KALRN: variants seen among roughly 807,000 people sequenced by gnomAD.
KALRN encodes the protein kalirin.
In KALRN, 70 loss-of-function variants were observed where a neutral mutation model predicts 353.7. The observed-to-expected ratio is 0.20, with a 90% CI of 0.16 to 0.24. KALRN has a LOEUF of 0.24. Ranked by LOEUF, KALRN falls within the 10% of genes least tolerant of loss-of-function variation. The pLI, the probability that KALRN is intolerant of heterozygous loss-of-function variation, is 1.00. For synonymous variants in KALRN, 1,391 were observed against 1,434.8 expected, an observed-to-expected ratio of 0.97 and a Z score of 0.69; for missense variants, 2,791 against 3,756.7, an observed-to-expected ratio of 0.74 and a Z score of 6.72.
intron 34 of KALRN, among the ~76,000 whole-genome samples, chr3:124,586,360 G>C (rs2075182916): frequency 6.6e-6 from 1 of 152,222 alleles, no homozygotes; most frequent in South Asian, 2.1e-4. Context: ...TTTCCTGTCA[G>C]ACAGAATGTG....
intron 27 of KALRN, 49 bp from the exon 28 acceptor site, chr3:124,482,759 A>G: frequency 9.6e-6 from 12 of 1,253,008 alleles, no homozygotes; most frequent in Non-Finnish European, 1.4e-5. Flanking sequence ...GTTCACACAC[A>G]TGCACACACC....
chr3:124,639,592 A>C (rs1432740874), intron 37 of KALRN, among the ~76,000 whole-genome samples: 1 of 152,170 alleles, frequency 6.6e-6, no homozygotes, highest in African/African-American at 2.4e-5. Flanking sequence ...AATTTGTGTG[A>C]TCGATGGTGT....
At chr3:124,133,236 A>G (rs1305773911) in intron 1 of KALRN, among the ~76,000 whole-genome samples, 1 of 152,160 alleles carries the variant, frequency 6.6e-6, no homozygotes, top group African/African-American at 2.4e-5. Flanking sequence ...AAACAGCCCA[A>G]CTCCATTCGG....
Position 124,721,146 on chromosome 3 carries a change from A to C in KALRN, c.*1676A>C, listed in dbSNP as rs2063348162. ...TAACATATAAAAAACACTTATTCCC[A>C]CAGAGAAAATGTAAAATTAAAAATC... On this transcript the variant is annotated 3_prime_UTR_variant, in exon 60 of 60. Transcript: ENST00000682506. The C allele has an allele frequency of 6.6e-6, 1 of 152,194 alleles. No individual in the cohort carries two copies. Among genetic ancestry groups the C allele is most frequent in the African/African-American group, 2.4e-5 (1 of 41,438 alleles). 9.4% of individuals were successfully genotyped at this position (152,194 alleles called of 1,614,324 possible). A position where few individuals can be genotyped will look rare whatever the true frequency, so the allele number is the denominator to read the frequency against.
chr3:124,696,082 A>G, intron 53 of KALRN, 52 bp from the exon 54 acceptor site: 1 of 1,602,594 alleles, frequency 6.2e-7, no homozygotes, highest in East Asian at 2.2e-5. Flanking sequence ...TTTACCCAGC[A>G]GTCAAGTGTC....
intron 34 of KALRN, among the ~76,000 whole-genome samples, chr3:124,609,723 A>G (rs2077721484): frequency 6.6e-6 from 1 of 152,206 alleles, no homozygotes; most frequent in Non-Finnish European, 1.5e-5. Context: ...CTGTATTACA[A>G]CACAATACTG....
At chr3:124,086,765 C>G (rs58247944) in intron 1 of KALRN, among the ~76,000 whole-genome samples, 22,900 of 152,066 alleles carry the variant, frequency 0.15, 2,083 homozygotes, top group East Asian at 0.45. Context: ...ACCCCTATAC[C>G]TGTCTACCAA....
chr3:124,656,184 A>C (rs2083998175), intron 39 of KALRN, among the ~76,000 whole-genome samples: 1 of 152,196 alleles, frequency 6.6e-6, no homozygotes, highest in African/African-American at 2.4e-5. Flanking sequence ...TAAATTAAAC[A>C]AATCTAGCTC....
chr3:124,654,058 C>T (rs369390674), intron 38 of KALRN, among the ~76,000 whole-genome samples: 4 of 152,218 alleles, frequency 2.6e-5, no homozygotes, highest in South Asian at 2.1e-4. Flanking sequence ...ATAAAAATAT[C>T]GCCTGGAGAC....
intron 47 of KALRN, among the ~76,000 whole-genome samples, chr3:124,667,955 C>A (rs1026037924): frequency 6.6e-6 from 1 of 151,840 alleles, no homozygotes; most frequent in African/African-American, 2.4e-5. Flanking sequence ...TCTAACCAAG[C>A]AGAAATAGAG....
intron 34 of KALRN, among the ~76,000 whole-genome samples, chr3:124,566,298 C>T (rs1022057605): frequency 1.3e-5 from 2 of 152,034 alleles, no homozygotes; most frequent in African/African-American, 4.8e-5. Context: ...CTCAGGCGTT[C>T]GAGACCAGCC....
At chr3:124,079,969 TTTA>T in intron 1 of KALRN, 1 of 465,742 alleles carries the variant, frequency 2.1e-6, no homozygotes, top group Middle Eastern at 3.3e-4. Context: ...TAGTTCCATA[TTTA>T]TTATTCTGAT....
chr3:124,193,903 G>A (rs2075182335), intron 1 of KALRN, among the ~76,000 whole-genome samples: 1 of 151,976 alleles, frequency 6.6e-6, no homozygotes, highest in Admixed American at 6.6e-5. Flanking sequence ...CTCTTTATAA[G>A]TATCATTTTT....
chr3:124,415,787 G>A (rs1460891476), intron 14 of KALRN, among the ~76,000 whole-genome samples: 1 of 152,180 alleles, frequency 6.6e-6, no homozygotes, highest in Non-Finnish European at 1.5e-5. Context: ...CTCAGTGTGG[G>A]CCCTGGGCCC....
At position 124,482,788 on chromosome 3, in the gene KALRN, C is replaced by T. The variant is rs772559839; in HGVS notation, c.4192-20C>T. ...ACACACCCCTCTGTGTCTAATTGCA[C>T]ATTGTTCTCATCCCTGCAGGAGATA... On this transcript the variant is annotated intron_variant, in intron 27 of 59. Coordinates refer to ENST00000682506, the MANE Select transcript of KALRN (RefSeq NM_001388419.1). 14 of 1,554,146 alleles carry T rather than the reference C, an allele frequency of 9.0e-6. No individual in the cohort carries two copies. Among genetic ancestry groups the T allele is most frequent in the Non-Finnish European group, 5.3e-6 (6 of 1,125,240 alleles).
intron 1 of KALRN, among the ~76,000 whole-genome samples, chr3:124,187,968 G>A (rs1579136787): frequency 6.6e-6 from 1 of 152,166 alleles, no homozygotes; most frequent in South Asian, 2.1e-4. Context: ...AACCCTGACT[G>A]CAAATGGAAT....
intron 1 of KALRN, among the ~76,000 whole-genome samples, chr3:124,207,900 G>A (rs1370685350): frequency 1.3e-5 from 2 of 152,202 alleles, no homozygotes; most frequent in African/African-American, 4.8e-5. Flanking sequence ...GCTGAAAAGT[G>A]GGCTCATGTG....
At chr3:124,627,817 G>C (rs1561461553) in intron 34 of KALRN, among the ~76,000 whole-genome samples, 1 of 152,204 alleles carries the variant, frequency 6.6e-6, no homozygotes, top group East Asian at 1.9e-4. Context: ...CAGCCAGCAA[G>C]GAATTTTCTG....
intron 1 of KALRN, among the ~76,000 whole-genome samples, chr3:124,188,166 G>C (rs971126235): frequency 6.6e-6 from 1 of 152,132 alleles, no homozygotes; most frequent in Non-Finnish European, 1.5e-5. Context: ...TTAAACGTAC[G>C]CAAGAATCAC....
Sources: gnomAD v4.1 joint callset for allele counts (sites outside exome capture counted in the v4.1 genomes callset) on GRCh38, gnomAD v4.1.1 for gene constraint, MANE v1.5 for transcripts, NCBI Gene and HGNC (gene_info 2026-07-23, HGNC 2026-07-21) for gene names.